PAFAH1B1: variants seen among roughly 807,000 people sequenced by gnomAD.
PAFAH1B1 encodes the protein platelet-activating factor acetylhydrolase IB subunit beta.
PAFAH1B1 carries 2 observed loss-of-function variants against 57.5 expected under a neutral mutation model. The observed-to-expected ratio is 0.03, with a 90% CI of 0.01 to 0.11. The LOEUF is 0.11. Among genes scored for constraint, PAFAH1B1 ranks in the 10% least tolerant of loss-of-function variants. The probability of loss-of-function intolerance (pLI) is 1.00; values close to 1 mark genes in which losing one functional copy is unlikely to be tolerated. For synonymous variants in PAFAH1B1, 152 were observed against 169.6 expected (o/e 0.90, Z 0.81); for missense variants, 257 against 512.0 (o/e 0.50, Z 4.81).
intron 1 of PAFAH1B1, among the ~76,000 whole-genome samples, chr17:2,637,628 C>T (rs555515006): frequency 2.0e-5 from 3 of 152,076 alleles, no homozygotes; most frequent in Non-Finnish European, 4.4e-5. Flanking sequence ...TTATAAATAC[C>T]GGCCATTCTA....
intron 2 of PAFAH1B1, among the ~76,000 whole-genome samples, chr17:2,659,217 G>C (rs576145846): frequency 6.6e-6 from 1 of 150,512 alleles, no homozygotes; most frequent in East Asian, 2.0e-4. Flanking sequence ...CCACACTGCA[G>C]CCTGGATGAC....
intron 9 of PAFAH1B1, 42 bp downstream of exon 9, chr17:2,676,648 GT>G (rs777960404): frequency 1.8e-6 from 2 of 1,122,098 alleles, no homozygotes; most frequent in Non-Finnish European, 1.4e-6. Flanking sequence ...CATCTTCACT[GT>G]TTATACCTTT....
intron 5 of PAFAH1B1, among the ~76,000 whole-genome samples, chr17:2,669,514 C>A (rs2069152058): frequency 6.6e-6 from 1 of 152,170 alleles, no homozygotes; most frequent in African/African-American, 2.4e-5. Context: ...CCGCCTTGGC[C>A]TTCCTAAGTG....
chr17:2,600,796 C>A (rs1953010439), intron 1 of PAFAH1B1, among the ~76,000 whole-genome samples: 1 of 152,068 alleles, frequency 6.6e-6, no homozygotes, highest in South Asian at 2.1e-4. Flanking sequence ...GTGGCGCGAT[C>A]TCGGCTCACT....
At chr17:2,678,199 C>T (rs2069302183) in intron 9 of PAFAH1B1, among the ~76,000 whole-genome samples, 2 of 151,770 alleles carry the variant, frequency 1.3e-5, no homozygotes, top group Non-Finnish European at 2.9e-5. Flanking sequence ...GTTGGGAGTT[C>T]GAGACCAGCC....
chr17:2,659,452 G>C, intron 2 of PAFAH1B1: 1 of 281,664 alleles, frequency 3.6e-6, no homozygotes. Context: ...CAGGAGAATC[G>C]TGAGGTTGTG....
chr17:2,594,285 C>T (rs996689507), intron 1 of PAFAH1B1, among the ~76,000 whole-genome samples: 1 of 152,210 alleles, frequency 6.6e-6, no homozygotes, highest in Non-Finnish European at 1.5e-5. Context: ...TGGGGGCTGC[C>T]GGCGCCTCTG....
Position 2,593,658 on chromosome 17 carries a change from G to A in PAFAH1B1, c.-539G>A, listed in dbSNP as rs1240722515. On this transcript the variant is annotated 5_prime_UTR_variant, in exon 1 of 11. Transcript: ENST00000397195. ...CGTTGGGGCAGCTCCTGTGACAGACGGAGCTGGAGCGGCGGGGCGGCGGCG... is the reference window on the plus strand; with the variant it reads ...CGTTGGGGCAGCTCCTGTGACAGACAGAGCTGGAGCGGCGGGGCGGCGGCG... 5.9e-5 allele frequency: 15 copies of A among 255,912 alleles called. No homozygotes were observed. Among genetic ancestry groups the A allele is most frequent in the Non-Finnish European group, 9.5e-5 (14 of 146,808 alleles). The allele number at this position is 255,912 out of a possible 1,614,324, so 15.9% of individuals were successfully genotyped here.
At chr17:2,657,971 G>C (rs1248974217) in intron 2 of PAFAH1B1, among the ~76,000 whole-genome samples, 3 of 152,116 alleles carry the variant, frequency 2.0e-5, no homozygotes, top group African/African-American at 7.2e-5. Context: ...GTTGTATTGT[G>C]TATCTTTCCT....
intron 1 of PAFAH1B1, among the ~76,000 whole-genome samples, chr17:2,619,348 G>A (rs2068389315): frequency 4.0e-5 from 6 of 151,880 alleles, no homozygotes; most frequent in Admixed American, 3.9e-4. Context: ...TGTAGAGATG[G>A]GGTTTCACTA....
At chr17:2,677,528 A>G (rs2069288640) in intron 9 of PAFAH1B1, among the ~76,000 whole-genome samples, 1 of 133,272 alleles carries the variant, frequency 7.5e-6, no homozygotes, top group Admixed American at 7.3e-5. Context: ...TATGACAGAC[A>G]TATGTGGAAG....
At chr17:2,635,105 G>A (rs1340828077) in intron 1 of PAFAH1B1, among the ~76,000 whole-genome samples, 1 of 151,490 alleles carries the variant, frequency 6.6e-6, no homozygotes, top group Non-Finnish European at 1.5e-5. Context: ...AGAGGTTGCA[G>A]TGAGCTGAGA....
At position 2,679,045 on chromosome 17, in the gene PAFAH1B1, CGTACATGGACA is replaced by C. The variant is rs565536314; in HGVS notation, c.1003-1115_1003-1105del. On this transcript the variant is annotated intron_variant, in intron 9 of 10. Transcript: ENST00000397195. ...TCTTAATATTATATATTAAAGTAGG[CGTACATGGACA>C]GTAGCTACCATGTTCAACTGTGCAG... Among the ~76,000 whole-genome samples, 83 of 152,274 alleles carry C rather than the reference CGTACATGGACA, an allele frequency of 5.5e-4. 1 individual carries two copies. In the South Asian group the frequency reaches 0.016, roughly 30 times the overall value.
Position 2,668,200 on chromosome 17 carries a change from C to T in PAFAH1B1, c.399+1002C>T, listed in dbSNP as rs536306837. Among the ~76,000 whole-genome samples, 4 of 151,904 alleles carry T rather than the reference C, an allele frequency of 2.6e-5. No homozygotes were observed. The South Asian group carries it at 8.3e-4, about 32-fold the overall frequency. On this transcript the variant is annotated intron_variant, in intron 5 of 10. Transcript: ENST00000397195. ...AATTAGCTGGGCATGGCAGCGTGCG[C>T]CTGTAGTCCCAGCTACTTGGAAGGC...
At chr17:2,670,102 A>C in intron 5 of PAFAH1B1, 61 bp from the exon 6 acceptor site, 6 of 1,451,882 alleles carry the variant, frequency 4.1e-6, no homozygotes, top group Non-Finnish European at 5.8e-6. Flanking sequence ...GCTGAGTGCA[A>C]ATGTGAAACA....
At chr17:2,600,192 C>T (rs935051696) in intron 1 of PAFAH1B1, among the ~76,000 whole-genome samples, 15 of 151,766 alleles carry the variant, frequency 9.9e-5, no homozygotes, top group African/African-American at 3.4e-4. Flanking sequence ...GTGATCCACC[C>T]GAGTTGGCCT....
At chr17:2,630,078 T>G (rs1201940999) in intron 1 of PAFAH1B1, among the ~76,000 whole-genome samples, 2 of 152,246 alleles carry the variant, frequency 1.3e-5, no homozygotes, top group Non-Finnish European at 2.9e-5. Context: ...TTAGTCCATT[T>G]CCATTCAATG....
At chr17:2,612,794 A>C (rs2068282246) in intron 1 of PAFAH1B1, among the ~76,000 whole-genome samples, 1 of 151,432 alleles carries the variant, frequency 6.6e-6, no homozygotes, top group South Asian at 2.1e-4. Flanking sequence ...TTTTTTGTAG[A>C]GGTGGGGATC....
chr17:2,667,089 G>A lies in PAFAH1B1; in HGVS notation c.290G>A (p.Arg97His). Residue 97 changes from arginine to histidine, a missense_variant, in exon 5 of 11, where the codon CGT (arginine) becomes CAT (histidine). Coordinates refer to ENST00000397195, the MANE Select transcript of PAFAH1B1 (RefSeq NM_000430.4). ...QKRDPKEWIP[R>H]PPEKYALSGH... is the part of the protein sequence containing the mutation. ...CGAGACCCAAAAGAATGGATTCCCCGTCCGCCAGAAAAATATGCATTGAGT... is the reference window on the plus strand; with the variant it reads ...CGAGACCCAAAAGAATGGATTCCCCATCCGCCAGAAAAATATGCATTGAGT... 1.2e-6 allele frequency: 2 copies of A among 1,613,776 alleles called. No individual in the cohort carries two copies. The highest frequency in any genetic ancestry group is 1.7e-6 in the Non-Finnish European group (2 of 1,179,782).
Sources: gnomAD v4.1 joint callset for allele counts (sites outside exome capture counted in the v4.1 genomes callset) on GRCh38, gnomAD v4.1.1 for gene constraint, MANE v1.5 for transcripts, NCBI Gene and HGNC (gene_info 2026-07-23, HGNC 2026-07-21) for gene names.